N4BP1: variants seen among roughly 807,000 people sequenced by gnomAD.
The protein encoded by N4BP1 is NEDD4 binding protein 1.
A neutral mutation model predicts 70.9 loss-of-function variants in N4BP1; 21 were observed. The ratio of observed to expected loss-of-function variants is 0.30; its 90% CI spans 0.21 to 0.43. The LOEUF (loss-of-function observed/expected upper bound fraction) is 0.43. Ranked by LOEUF, N4BP1 falls within the 20% of genes least tolerant of loss-of-function variation. The pLI is 1.00. For synonymous variants in N4BP1, 387 were observed against 394.6 expected, an observed-to-expected ratio of 0.98 and a Z score of 0.23; for missense variants, 936 against 1,069.4, an observed-to-expected ratio of 0.88 and a Z score of 1.74.
chr16:48,593,353 G>A (rs1964363032), intron 1 of N4BP1, among the ~76,000 whole-genome samples: 1 of 152,248 alleles, frequency 6.6e-6, no homozygotes, highest in African/African-American at 2.4e-5. Context: ...CACAAAGTGT[G>A]TAAGGAAAGC....
chr16:48,543,829 G>A (rs1372444899), intron 6 of N4BP1, among the ~76,000 whole-genome samples: 1 of 152,184 alleles, frequency 6.6e-6, no homozygotes, highest in Non-Finnish European at 1.5e-5. Context: ...AATGAGGCTA[G>A]CTGAAGTTTC....
At chr16:48,550,036 C>T (rs1188572507) in intron 4 of N4BP1, among the ~76,000 whole-genome samples, 1 of 152,134 alleles carries the variant, frequency 6.6e-6, no homozygotes, top group African/African-American at 2.4e-5. Context: ...AAAAACTGGT[C>T]CTATTTCCAT....
intron 2 of N4BP1, among the ~76,000 whole-genome samples, chr16:48,555,457 C>G (rs542777965): frequency 1.3e-5 from 2 of 152,308 alleles, no homozygotes; most frequent in African/African-American, 4.8e-5. Flanking sequence ...TTCACAAGAG[C>G]TACGCACAGA....
At position 48,543,161 on chromosome 16, in the gene N4BP1, G is replaced by A. The variant is rs1286993054; in HGVS notation, c.2434C>T (p.Pro812Ser). ...TQAASTSHQP[P>S]TRIQGAPSSH... Reference sequence around the variant, plus strand: ...GAAGGGGCTCCCTGAATCCGGGTCGGAGGCTGGTGGCTGGTGCTGGCTGCC... The same window carrying A: ...GAAGGGGCTCCCTGAATCCGGGTCGAAGGCTGGTGGCTGGTGCTGGCTGCC... Residue 812 changes from proline (P) to serine (S), a missense_variant, in exon 7 of 7, where the codon CCG (proline) becomes TCG (serine). This residue lies in a region of N4BP1 where 229 missense variants were observed against 343.5 expected (regional missense o/e 0.67). Transcript: ENST00000262384. The A allele has an allele frequency of 6.2e-6, 10 of 1,602,742 alleles. No individual in the cohort carries two copies. The highest frequency in any genetic ancestry group is 8.5e-6 in the Non-Finnish European group (10 of 1,171,488).
At chr16:48,571,620 C>A in intron 1 of N4BP1, among the ~76,000 whole-genome samples, 1 of 150,266 alleles carries the variant, frequency 6.7e-6, no homozygotes, top group African/African-American at 2.5e-5. Context: ...AATCAGGATG[C>A]TAAAAGAAGG....
intron 1 of N4BP1, among the ~76,000 whole-genome samples, chr16:48,566,649 T>C (rs1963947534): frequency 6.6e-6 from 1 of 152,240 alleles, no homozygotes; most frequent in Non-Finnish European, 1.5e-5. Flanking sequence ...GATAGTTCTA[T>C]GGGTGCTCAT....
intron 1 of N4BP1, among the ~76,000 whole-genome samples, chr16:48,608,420 G>A (rs1466229410): frequency 1.3e-5 from 2 of 152,146 alleles, no homozygotes; most frequent in Admixed American, 6.5e-5. Context: ...CAGGAGATAC[G>A]ACTACTCAGA....
At chr16:48,570,797 T>A (rs1246133059) in intron 1 of N4BP1, among the ~76,000 whole-genome samples, 2 of 152,122 alleles carry the variant, frequency 1.3e-5, no homozygotes, top group African/African-American at 2.4e-5. Flanking sequence ...CTCTTTTTTT[T>A]AAATTGATAT....
intron 1 of N4BP1, among the ~76,000 whole-genome samples, chr16:48,569,996 C>T (rs1228953640): frequency 2.0e-5 from 3 of 152,104 alleles, no homozygotes; most frequent in Non-Finnish European, 4.4e-5. Flanking sequence ...ACCTCTGCAA[C>T]TGGGCTTGGA....
In N4BP1 at chr16:48,561,851, A is replaced by T; in HGVS notation, c.792T>A (p.Asp264Glu). Residue 264 changes from aspartate to glutamate, a missense_variant, in exon 2 of 7, where the codon GAT becomes GAA. This residue lies in a region of N4BP1 where 515 missense variants were observed against 491.7 expected (regional missense o/e 1.05). Coordinates refer to ENST00000262384, the MANE Select transcript of N4BP1 (RefSeq NM_153029.4). ...CATCTGGGGTTAGACCATTTATTGG[A>T]TCAAAAAGCACATCTGGTGAGCTAG... ...VLSSSPDVLF[D>E]PINGLTPDEE... 6.2e-7 allele frequency: 1 copy of T among 1,613,854 alleles called. No homozygotes were observed. The highest frequency in any genetic ancestry group is 8.5e-7 in the Non-Finnish European group (1 of 1,179,872).
Position 48,580,926 on chromosome 16 carries a change from A to G in N4BP1, c.199-18482T>C, listed in dbSNP as rs540611095. On this transcript the variant is annotated intron_variant, in intron 1 of 6. Coordinates refer to ENST00000262384, the MANE Select transcript of N4BP1 (RefSeq NM_153029.4). ...TTTAAGTATACAGGAAAATATACATAGATTATACGCAAACACTATACCATT... is the reference window on the plus strand; with the variant it reads ...TTTAAGTATACAGGAAAATATACATGGATTATACGCAAACACTATACCATT... Among the ~76,000 whole-genome samples, 7 of 152,246 alleles carry G rather than the reference A, an allele frequency of 4.6e-5. No homozygotes were observed. The East Asian group carries it at 1.3e-3, about 29-fold the overall frequency.
In N4BP1 at chr16:48,542,871, C is replaced by T. The variant is rs374398437; in HGVS notation, c.*33G>A. 3 of 1,552,410 alleles carry T rather than the reference C, an allele frequency of 1.9e-6. No homozygotes were observed. The highest frequency in any genetic ancestry group is 2.6e-6 in the Non-Finnish European group (3 of 1,138,176). On this transcript the variant is annotated 3_prime_UTR_variant, in exon 7 of 7. Coordinates refer to ENST00000262384, the MANE Select transcript of N4BP1 (RefSeq NM_153029.4). Reference sequence around the variant, plus strand: ...TGTGAGCTTGAGTTTGATCAGCCAGCCCTGAGCGCAAGCTCAGCGCTCAGC... The same window carrying T: ...TGTGAGCTTGAGTTTGATCAGCCAGTCCTGAGCGCAAGCTCAGCGCTCAGC...
At chr16:48,547,772 G>C (rs1334123627) in intron 5 of N4BP1, among the ~76,000 whole-genome samples, 1 of 152,226 alleles carries the variant, frequency 6.6e-6, no homozygotes, top group Non-Finnish European at 1.5e-5. Flanking sequence ...AGTGACAGCA[G>C]AGCATGCCCA....
chr16:48,587,860 A>G (rs1358111123), intron 1 of N4BP1, among the ~76,000 whole-genome samples: 1 of 152,208 alleles, frequency 6.6e-6, no homozygotes, highest in African/African-American at 2.4e-5. Flanking sequence ...ATTAAGGTCA[A>G]TTCCTGGAAA....
chr16:48,604,722 T>G (rs1964552877), intron 1 of N4BP1, among the ~76,000 whole-genome samples: 1 of 152,208 alleles, frequency 6.6e-6, no homozygotes, highest in Non-Finnish European at 1.5e-5. Context: ...TAAAAATATT[T>G]TATTCATATA....
At chr16:48,590,220 A>G (rs916599147) in intron 1 of N4BP1, among the ~76,000 whole-genome samples, 2 of 152,156 alleles carry the variant, frequency 1.3e-5, no homozygotes, top group Admixed American at 6.5e-5. Flanking sequence ...ACCCAGGAAC[A>G]GAAGACAGCA....
At chr16:48,560,470 A>G (rs759427833) in intron 2 of N4BP1, 1 of 281,276 alleles carries the variant, frequency 3.6e-6, no homozygotes, top group African/African-American at 2.2e-5. Context: ...CTTAAAAGTC[A>G]CTATACTACA....
intron 1 of N4BP1, among the ~76,000 whole-genome samples, chr16:48,587,628 C>T (rs1218612964): frequency 2.0e-5 from 3 of 152,190 alleles, no homozygotes; most frequent in Non-Finnish European, 4.4e-5. Context: ...CAGCTGCTTG[C>T]ATAAGATCAT....
chr16:48,562,512 T>C (rs565841271), intron 1 of N4BP1, 68 bp from the exon 2 acceptor site: 3 of 1,286,606 alleles, frequency 2.3e-6, no homozygotes, highest in South Asian at 3.3e-5. Context: ...TAAATTACCA[T>C]GTAACTACAA....
Sources: allele counts gnomAD v4.1 joint callset (sites outside exome capture counted in the v4.1 genomes callset), GRCh38; gene constraint gnomAD v4.1.1; regional missense constraint gnomAD v4.1.1; transcripts MANE v1.5; gene names NCBI Gene and HGNC (gene_info 2026-07-23, HGNC 2026-07-21).